ATAD2: variants seen among roughly 807,000 people sequenced by gnomAD.
The protein encoded by ATAD2 is ATPase family AAA domain-containing protein 2.
ATAD2 carries 62 observed loss-of-function variants against 168.9 expected under a neutral mutation model. The observed-to-expected ratio is 0.37, with a 90% CI of 0.30 to 0.45. ATAD2 has a LOEUF of 0.45. ATAD2 is among the 20% of genes least tolerant of loss of function. ATAD2 has a pLI of 1.00. For synonymous variants in ATAD2, 613 were observed against 571.6 expected, an observed-to-expected ratio of 1.07 and a Z score of -1.03; for missense variants, 1,419 against 1,667.8, an observed-to-expected ratio of 0.85 and a Z score of 2.60.
chr8:123,336,393 T>C lies in ATAD2; in HGVS notation c.3191A>G (p.Asn1064Ser). 2 of 1,581,564 alleles carry C rather than the reference T, an allele frequency of 1.3e-6. No homozygotes were observed. Among genetic ancestry groups the C allele is most frequent in the Non-Finnish European group, 1.7e-6 (2 of 1,170,414 alleles). ...CTCACCTCCAGGATCTCTATCTGGA[T>C]TGTATTCTAAGGCATTACTACAGAT... is the stretch of plus-strand genomic sequence containing the variant. ...DLICSNALEY[N>S]PDRDPGDRLI... Residue 1064 changes from asparagine (N) to serine (S), a missense_variant, in exon 22 of 28, where the codon AAT becomes AGT. Transcript: ENST00000287394.
intron 1 of ATAD2, among the ~76,000 whole-genome samples, chr8:123,411,364 A>G (rs1010989045): frequency 6.6e-6 from 1 of 152,058 alleles, no homozygotes; most frequent in Non-Finnish European, 1.5e-5. Flanking sequence ...CTACGCCCCA[A>G]TTCAGCAAGA....
chr8:123,333,632 A>T lies in ATAD2; in HGVS notation c.3478+246T>A, dbSNP rs562861393. ...TTCTAAGAATAAGGGGGAGTAAGAA[A>T]TAGACCAGAATTTACAGACATCAGT... On this transcript the variant is annotated intron_variant, in intron 24 of 27. Coordinates refer to ENST00000287394, the MANE Select transcript of ATAD2 (RefSeq NM_014109.4). Among the ~76,000 whole-genome samples the T allele has an allele frequency of 3.3e-5, 5 of 152,308 alleles. No individual in the cohort carries two copies. In the South Asian group the frequency reaches 1.0e-3, roughly 32 times the overall value.
intron 1 of ATAD2, among the ~76,000 whole-genome samples, chr8:123,413,237 C>CAA (rs1242932170): frequency 1.2e-5 from 1 of 85,748 alleles, no homozygotes; most frequent in East Asian, 5.2e-4. Flanking sequence ...CCCCCCCCCC[C>CAA]AACTCCTCCC....
intron 19 of ATAD2, among the ~76,000 whole-genome samples, chr8:123,342,938 T>A (rs573774419): frequency 4.7e-4 from 72 of 152,140 alleles, no homozygotes; most frequent in African/African-American, 1.4e-3. Flanking sequence ...TTCCAATGGT[T>A]CACTACCTTA....
chr8:123,389,353 T>A (rs1468317622), intron 1 of ATAD2, among the ~76,000 whole-genome samples: 1 of 143,380 alleles, frequency 7.0e-6, no homozygotes, highest in East Asian at 2.3e-4. Flanking sequence ...AAACTCCCAA[T>A]GGTCGGCCGG....
At chr8:123,411,215 C>A (rs1813151123) in intron 1 of ATAD2, among the ~76,000 whole-genome samples, 1 of 152,142 alleles carries the variant, frequency 6.6e-6, no homozygotes, top group African/African-American at 2.4e-5. Context: ...AACTACAAAT[C>A]ATTCTTCAAA....
At chr8:123,347,577 G>C (rs1477574523) in intron 15 of ATAD2, among the ~76,000 whole-genome samples, 171 bp from the exon 16 acceptor site, 1 of 152,118 alleles carries the variant, frequency 6.6e-6, no homozygotes, top group Non-Finnish European at 1.5e-5. Flanking sequence ...TAAACTTATA[G>C]GGTAGTAATG....
rs368469577 is a variant in ATAD2 at position 123,396,382 on chromosome 8, T to G, written c.-25A>C. On this transcript the variant is annotated 5_prime_UTR_variant, in exon 1 of 28. Transcript: ENST00000287394. Reference sequence around the variant, plus strand: ...TCTTCTCTCCCTACTGGCCTCGGCGTGCGCGACCGGAGAGAGATCCAGCTC... The same window carrying G: ...TCTTCTCTCCCTACTGGCCTCGGCGGGCGCGACCGGAGAGAGATCCAGCTC... The G allele has an allele frequency of 1.9e-6, 3 of 1,543,004 alleles. No individual in the cohort carries two copies. The highest frequency in any genetic ancestry group is 1.4e-5 in the African/African-American group (1 of 71,158).
chr8:123,381,647 C>T (rs1829496725), intron 1 of ATAD2, among the ~76,000 whole-genome samples: 1 of 152,140 alleles, frequency 6.6e-6, no homozygotes, highest in African/African-American at 2.4e-5. Context: ...GAGGTTCTGT[C>T]ATAAAGTATT....
intron 1 of ATAD2, among the ~76,000 whole-genome samples, chr8:123,390,753 C>T (rs550477473): frequency 6.6e-6 from 1 of 152,264 alleles, no homozygotes; most frequent in Non-Finnish European, 1.5e-5. Context: ...CAAAAGTAGG[C>T]CAGGCGCAGT....
intron 1 of ATAD2, among the ~76,000 whole-genome samples, chr8:123,391,315 T>C (rs1829819405): frequency 2.0e-5 from 3 of 151,254 alleles, no homozygotes; most frequent in Non-Finnish European, 2.9e-5. Flanking sequence ...ACCACAATAT[T>C]CAGGGAACCC....
Position 123,407,890 on chromosome 8 carries a change from C to A in ATAD2, c.-2281-6715G>T, listed in dbSNP as rs1025783032. Among the ~76,000 whole-genome samples the A allele has an allele frequency of 2.0e-5, 3 of 151,904 alleles. No individual in the cohort carries two copies. The East Asian group carries it at 5.8e-4, about 29-fold the overall frequency. On this transcript the variant is annotated intron_variant, in intron 1 of 28. Transcript: ENST00000521903. ...AAGAAACGGAGGTTCTTGTTGGTAACCCCTAATTGCTTCAGAAAGACTCAA... is the reference window on the plus strand; with the variant it reads ...AAGAAACGGAGGTTCTTGTTGGTAAACCCTAATTGCTTCAGAAAGACTCAA...
intron 13 of ATAD2, 57 bp from the exon 14 acceptor site, chr8:123,349,501 T>A: frequency 6.7e-7 from 1 of 1,485,178 alleles, no homozygotes; most frequent in Non-Finnish European, 9.2e-7. Flanking sequence ...TCTATATCAT[T>A]CAGTAATATT....
chr8:123,381,315 G>A (rs900208678), intron 1 of ATAD2, among the ~76,000 whole-genome samples: 3 of 151,992 alleles, frequency 2.0e-5, no homozygotes, highest in African/African-American at 4.8e-5. Flanking sequence ...CATGGGCAAC[G>A]TGGCAAAACC....
At position 123,379,562 on chromosome 8, in the gene ATAD2, ATT is replaced by A. The variant is rs67580328; in HGVS notation, c.320+965_320+966del. On this transcript the variant is annotated intron_variant, in intron 2 of 27. Transcript: ENST00000287394. Reference sequence around the variant, plus strand: ...TAAAAGCATGAATGTGTACATACTAATTTTTTTTTTTTTTTTTGGAGATGGAG... The same window carrying A: ...TAAAAGCATGAATGTGTACATACTAATTTTTTTTTTTTTTTGGAGATGGAG... 8.7e-3 allele frequency among the ~76,000 whole-genome samples: 1,132 copies of A among 130,012 alleles called. 1 individual carries two copies. The highest frequency in any genetic ancestry group is 0.02 in the African/African-American group (706 of 34,864). The allele number at this position is 130,012 out of a possible 152,430, so 85.3% of individuals were successfully genotyped here.
At chr8:123,362,300 TAAA>T (rs58362261) in intron 8 of ATAD2, among the ~76,000 whole-genome samples, 40 of 133,714 alleles carry the variant, frequency 3.0e-4, no homozygotes, top group African/African-American at 3.5e-4. Context: ...TGCCTCTATC[TAAA>T]AAAAAAAAAA....
intron 8 of ATAD2, among the ~76,000 whole-genome samples, chr8:123,366,229 C>A (rs541317528): frequency 2.0e-5 from 3 of 152,266 alleles, no homozygotes; most frequent in African/African-American, 7.2e-5. Flanking sequence ...TACCACCTTA[C>A]CCCCGCAAAA....
chr8:123,385,046 GA>G lies in ATAD2; in HGVS notation c.172-4370del, dbSNP rs1228263208. The stretch of plus-strand genomic sequence containing the variant: ...TTAATTGTATATAAACGTTTTTAAA[GA>G]AATATGTAATATTTTTATTTAGGTA... On this transcript the variant is annotated intron_variant, in intron 1 of 27. Coordinates refer to ENST00000287394, the MANE Select transcript of ATAD2 (RefSeq NM_014109.4). Among the ~76,000 whole-genome samples, 26 of 152,276 alleles carry G rather than the reference GA, an allele frequency of 1.7e-4. No homozygotes were observed. In the East Asian group the frequency reaches 3.3e-3, roughly 19 times the overall value.
At chr8:123,343,052 T>C (rs1222319100) in intron 19 of ATAD2, among the ~76,000 whole-genome samples, 2 of 151,928 alleles carry the variant, frequency 1.3e-5, no homozygotes, top group Non-Finnish European at 2.9e-5. Flanking sequence ...TGGTGGGATC[T>C]TGGCTCACTA....
Sources: gnomAD v4.1 joint callset for allele counts (sites outside exome capture counted in the v4.1 genomes callset) on GRCh38, gnomAD v4.1.1 for gene constraint, MANE v1.5 for transcripts, NCBI Gene and HGNC (gene_info 2026-07-23, HGNC 2026-07-21) for gene names.